C6orf136: variants seen among roughly 807,000 people sequenced by gnomAD.
The protein encoded by C6orf136 is uncharacterized protein C6orf136.
Under a neutral mutation model 44.0 loss-of-function variants are expected in C6orf136, and 29 were observed. The ratio of observed to expected loss-of-function variants is 0.66; its 90% confidence interval spans 0.49 to 0.90. C6orf136 has a LOEUF of 0.90. Among genes scored for constraint, C6orf136 ranks in the 40% least tolerant of loss-of-function variants. The pLI is 0.00. For synonymous variants in C6orf136, 293 were observed against 278.6 expected (o/e 1.05, Z -0.52); for missense variants, 628 against 669.3 (o/e 0.94, Z 0.68).
chr6:30,647,976 A>C lies in C6orf136; in HGVS notation c.615+130A>C. The C allele has an allele frequency of 7.6e-7, 1 of 1,318,842 alleles. No homozygotes were observed. The allele number at this position is 1,318,842 out of a possible 1,614,324, so 81.7% of individuals were successfully genotyped here. On this transcript the variant is annotated intron_variant, in intron 1 of 5. Coordinates refer to ENST00000651131, the MANE Select transcript of C6orf136 (RefSeq NM_001161376.2). The surrounding 1 kb of genome is among the most constrained non-coding windows in gnomAD (Gnocchi z 4.8). ...TTGCAGTTTCAACGTCGGTAAACCC[A>C]GGAGAGTGAAGGCCAGCCTTTAACT... is the stretch of plus-strand genomic sequence containing the variant.
rs757836760 is a variant in C6orf136, at chr6:30,651,371, G to A, written c.1212G>A (p.Glu404=). 1.9e-6 allele frequency: 3 copies of A among 1,613,838 alleles called. No individual in the cohort carries two copies. Among genetic ancestry groups the A allele is most frequent in the Non-Finnish European group, 2.5e-6 (3 of 1,180,042 alleles). ...TTTTACAGCTGACCCGCCACCCTGAGAACTGGACCCTGCAAGCCCGGTGGC... is the reference window on the plus strand; with the variant it reads ...TTTTACAGCTGACCCGCCACCCTGAAAACTGGACCCTGCAAGCCCGGTGGC... ...LEVLQLTRHP[E]NWTLQARWRL... is the part of the protein sequence containing the mutation. Residue 404 remains glutamate, a synonymous_variant, in exon 4 of 6, where the codon GAG becomes GAA. Coordinates refer to ENST00000651131, the MANE Select transcript of C6orf136 (RefSeq NM_001161376.2).
rs117379099 is a variant in C6orf136 at position 30,648,282 on chromosome 6, G to C, written c.615+436G>C. On this transcript the variant is annotated intron_variant, in intron 1 of 5. Coordinates refer to ENST00000651131, the MANE Select transcript of C6orf136 (RefSeq NM_001161376.2). The stretch of plus-strand genomic sequence containing the variant: ...GCCTCGCACACTTAATCATGGAGAT[G>C]TACAGGCCACAGCATTTAATCCACA... Among the ~76,000 whole-genome samples the C allele has an allele frequency of 4.0e-3, 605 of 152,038 alleles. 5 individuals are homozygous for C. Among genetic ancestry groups the C allele is most frequent in the East Asian group, 0.018 (92 of 5,162 alleles).
chr6:30,647,689 C>T lies in C6orf136; in HGVS notation c.458C>T (p.Ala153Val). The T allele has an allele frequency of 1.3e-6, 2 of 1,550,144 alleles. No individual in the cohort carries two copies. Among genetic ancestry groups the T allele is most frequent in the Non-Finnish European group, 1.7e-6 (2 of 1,146,712 alleles). The change falls in exon 1 of 6, where the codon GCG (alanine) becomes GTG (valine). Residue 153 changes from alanine to valine, a missense_variant. This residue lies in a region of C6orf136 where 497 missense variants were observed against 469.2 expected (regional missense o/e 1.06). Transcript: ENST00000651131. The surrounding 1 kb of genome is among the most constrained non-coding windows in gnomAD (Gnocchi z 4.8). ...AGTTCCCCGGCCCAGACCAGACCCG[C>T]GGGGCGCCCTCAGCAGCCCGCCCGT... ...SRSSPAQTRP[A>V]GRPQQPARLA... is the part of the protein sequence containing the mutation.
In C6orf136 at chr6:30,647,445, G is replaced by A. The variant is rs755287603; in HGVS notation, c.214G>A (p.Val72Met). The A allele has an allele frequency of 1.3e-5, 19 of 1,471,282 alleles. No individual in the cohort carries two copies. The South Asian group carries it at 1.5e-4, about 12-fold the overall frequency. 91.1% of individuals were successfully genotyped at this position (1,471,282 alleles called of 1,614,324 possible). ...PPLPTCALQRVDRLGVAGAGG... is the reference protein window; with the variant it reads ...PPLPTCALQRMDRLGVAGAGG... ...CCTTCCCACCTGTGCCCTGCAGCGC[G>A]TGGACAGGCTAGGGGTCGCGGGAGC... is the stretch of plus-strand genomic sequence containing the variant. Residue 72 changes from valine to methionine, a missense_variant, in exon 1 of 6, where the codon GTG becomes ATG. Coordinates refer to ENST00000651131, the MANE Select transcript of C6orf136 (RefSeq NM_001161376.2). The surrounding 1 kb of genome is among the most constrained non-coding windows in gnomAD (Gnocchi z 4.8).
In C6orf136 at chr6:30,652,928, G is replaced by A. The variant is rs1389723542; in HGVS notation, c.*13G>A. On this transcript the variant is annotated 3_prime_UTR_variant, in exon 6 of 6. Coordinates refer to ENST00000651131, the MANE Select transcript of C6orf136 (RefSeq NM_001161376.2). ...TTCCAAGCCCTGATCCTTGACCTTG[G>A]AGTGGAGGCAGCACTGAAGACTGCT... 1 of 1,607,036 alleles carries A rather than the reference G, an allele frequency of 6.2e-7. No individual in the cohort carries two copies.
rs368094880 is a variant in C6orf136 at position 30,653,197 on chromosome 6, T to C, written c.*282T>C. 3.8e-6 allele frequency: 6 copies of C among 1,588,594 alleles called. No individual in the cohort carries two copies. The highest frequency in any genetic ancestry group is 3.4e-6 in the Non-Finnish European group (4 of 1,171,926). Reference sequence around the variant, plus strand: ...TATTTAATAGGTATTAAATAATGTATAGAAGGAAAAGGAGCTGGTGTCAGG... The same window carrying C: ...TATTTAATAGGTATTAAATAATGTACAGAAGGAAAAGGAGCTGGTGTCAGG... On this transcript the variant is annotated 3_prime_UTR_variant, in exon 6 of 6. Coordinates refer to ENST00000651131, the MANE Select transcript of C6orf136 (RefSeq NM_001161376.2).
chr6:30,652,804 G>A lies in C6orf136; in HGVS notation c.1380G>A (p.Leu460=). 1 of 1,612,990 alleles carries A rather than the reference G, an allele frequency of 6.2e-7. No homozygotes were observed. The highest frequency in any genetic ancestry group is 8.5e-7 in the Non-Finnish European group (1 of 1,179,968). The part of the protein sequence containing the change: ...GLICRHRLDK[L]MPSHSPPTPV... ...GGCATTAACCTTTCTCCCTGCAGCT[G>A]ATGCCTTCACACTCACCTCCAACGC... Residue 460 remains leucine (L), a splice_region_variant and synonymous_variant, in exon 6 of 6, where the codon CTG becomes CTA. Coordinates refer to ENST00000651131, the MANE Select transcript of C6orf136 (RefSeq NM_001161376.2).
chr6:30,652,273 AC>A, intron 4 of C6orf136, among the ~76,000 whole-genome samples: 1 of 150,232 alleles, frequency 6.7e-6, no homozygotes, highest in Non-Finnish European at 1.5e-5. Context: ...ACACACACAC[AC>A]ACACACACAA....
chr6:30,648,883 C>T (rs1347731305), intron 1 of C6orf136, among the ~76,000 whole-genome samples: 1 of 151,850 alleles, frequency 6.6e-6, no homozygotes, highest in African/African-American at 2.4e-5. Context: ...TGAAGGGTGC[C>T]TGTAATCCCA....
chr6:30,650,946 G>A (rs748842806), intron 2 of C6orf136, 48 bp from the exon 3 acceptor site: 8 of 1,388,794 alleles, frequency 5.8e-6, no homozygotes, highest in Middle Eastern at 1.8e-4. Flanking sequence ...TGAAAAATAG[G>A]ATTATCTTTT....
At chr6:30,650,080 A>G (rs1175257073) in intron 2 of C6orf136, 121 bp downstream of exon 2, 32 of 901,070 alleles carry the variant, frequency 3.6e-5, no homozygotes, top group Non-Finnish European at 5.2e-5. Context: ...GAAATATATT[A>G]TAAACATTTT....
chr6:30,651,499 A>G, intron 4 of C6orf136, 33 bp downstream of exon 4: 1 of 1,566,646 alleles, frequency 6.4e-7, no homozygotes, highest in South Asian at 1.2e-5. Flanking sequence ...CCCAAACTAT[A>G]ATCAGTTCCT....
Position 30,650,985 on chromosome 6 carries a change from TC to T in C6orf136, c.1018-7del. On this transcript the variant is annotated splice_polypyrimidine_tract_variant and splice_region_variant and intron_variant, in intron 2 of 5. Coordinates refer to ENST00000651131, the MANE Select transcript of C6orf136 (RefSeq NM_001161376.2). ...TCCCACTGGGTTGATGCCATCTTCT[TC>T]CACCTAGCTTCCCAAGCTCTTCCTT... 1 of 1,605,568 alleles carries T rather than the reference TC, an allele frequency of 6.2e-7. No individual in the cohort carries two copies. The highest frequency in any genetic ancestry group is 8.5e-7 in the Non-Finnish European group (1 of 1,172,360).
rs749943087 is a variant in C6orf136 at position 30,647,275 on chromosome 6, G to A, written c.44G>A (p.Cys15Tyr). Reference protein sequence around the residue: ...SRGAARRLGPCLRAYQARPQV... With the variant: ...SRGAARRLGPYLRAYQARPQV... The stretch of plus-strand genomic sequence containing the variant: ...GGTGCGGCCCGGCGTCTCGGCCCTT[G>A]CCTGCGCGCCTACCAGGCTCGACCC... The change falls in exon 1 of 6, where the codon TGC becomes TAC. Residue 15 changes from cysteine to tyrosine, a missense_variant. Coordinates refer to ENST00000651131, the MANE Select transcript of C6orf136 (RefSeq NM_001161376.2). The surrounding 1 kb of genome is among the most constrained non-coding windows in gnomAD (Gnocchi z 4.8). 4.2e-5 allele frequency: 68 copies of A among 1,600,396 alleles called. No individual in the cohort carries two copies. The highest frequency in any genetic ancestry group is 5.5e-5 in the Non-Finnish European group (65 of 1,175,588).
intron 1 of C6orf136, among the ~76,000 whole-genome samples, chr6:30,649,300 T>C (rs1217710288): frequency 6.6e-6 from 1 of 151,992 alleles, no homozygotes; most frequent in Non-Finnish European, 1.5e-5. Context: ...GAGGCGGAGG[T>C]TGCAGTGAGC....
In C6orf136 at chr6:30,653,053, G is replaced by C. The variant is rs1767599678; in HGVS notation, c.*138G>C. 1 of 1,059,378 alleles carries C rather than the reference G, an allele frequency of 9.4e-7. No individual in the cohort carries two copies. Among genetic ancestry groups the C allele is most frequent in the Non-Finnish European group, 1.4e-6 (1 of 735,302 alleles). 65.6% of individuals were successfully genotyped at this position (1,059,378 alleles called of 1,614,324 possible). ...TCCTTTCCATCTCATGCTGTGTAAA[G>C]CTGCTGTGTAATTTAACTTGTAAAT... On this transcript the variant is annotated 3_prime_UTR_variant, in exon 6 of 6. Coordinates refer to ENST00000651131, the MANE Select transcript of C6orf136 (RefSeq NM_001161376.2).
In C6orf136 at chr6:30,652,672, C is replaced by A; in HGVS notation, c.1332C>A (p.Phe444Leu). The A allele has an allele frequency of 6.2e-7, 1 of 1,613,128 alleles. No homozygotes were observed. The highest frequency in any genetic ancestry group is 8.5e-7 in the Non-Finnish European group (1 of 1,180,038). The change falls in exon 5 of 6, where the codon TTC becomes TTA. Residue 444 changes from phenylalanine (F) to leucine (L), a missense_variant. Phe to Leu is a conservative substitution (Grantham distance 22). Transcript: ENST00000651131. ...GGACCTATGATGCCTACTCCACTTT[C>A]TACCTGAATTCCAGTGGCCTCATTT... ...HYRTYDAYST[F>L]YLNSSGLICR... is the part of the protein sequence containing the mutation.
chr6:30,648,853 C>T (rs981946535), intron 1 of C6orf136, among the ~76,000 whole-genome samples: 1 of 150,742 alleles, frequency 6.6e-6, no homozygotes, highest in African/African-American at 2.4e-5. Flanking sequence ...ACTAAAAATA[C>T]AAAAATTAGC....
At position 30,647,726 on chromosome 6, in the gene C6orf136, A is replaced by C; in HGVS notation, c.495A>C (p.Gly165=). 6.5e-7 allele frequency: 1 copy of C among 1,549,960 alleles called. No individual in the cohort carries two copies. ...AGCAGCCCGCCCGTCTTGCACTCGG[A>C]GAGCGGTCCTGGCAGGAAGGCCGGC... The part of the protein sequence containing the change: ...RPQQPARLAL[G]ERSWQEGRPV... The change falls in exon 1 of 6, where the codon GGA becomes GGC. Residue 165 remains glycine, a synonymous_variant. Coordinates refer to ENST00000651131, the MANE Select transcript of C6orf136 (RefSeq NM_001161376.2). This position sits in a 1 kb window ranked among gnomAD's most constrained non-coding sequence, Gnocchi z 4.8.
Sources: allele counts gnomAD v4.1 joint callset (sites outside exome capture counted in the v4.1 genomes callset), GRCh38; gene constraint gnomAD v4.1.1; regional missense constraint gnomAD v4.1.1; non-coding constraint Gnocchi (gnomAD v3.1); transcripts MANE v1.5; gene names NCBI Gene and HGNC (gene_info 2026-07-23, HGNC 2026-07-21).